CDK14: variants seen among roughly 807,000 people sequenced by gnomAD.
CDK14 encodes the protein cyclin dependent kinase 14.
Under a neutral mutation model 60.7 loss-of-function variants are expected in CDK14, and 34 were observed. The observed-to-expected ratio is 0.56, with a 90% CI of 0.43 to 0.75. CDK14 has a LOEUF of 0.75. Among genes scored for constraint, CDK14 ranks in the 30% least tolerant of loss-of-function variants. CDK14 has a pLI of 0.00. For missense variants in CDK14, 482 were observed against 564.1 expected (o/e 0.85, Z 1.47); for synonymous variants, 197 against 203.7 (o/e 0.97, Z 0.28).
chr7:90,803,683 G>T (rs1028397706), intron 5 of CDK14, among the ~76,000 whole-genome samples: 1 of 152,200 alleles, frequency 6.6e-6, no homozygotes, highest in Non-Finnish European at 1.5e-5. Context: ...GTGCAGTTTA[G>T]ATAACAGGTG....
intron 2 of CDK14, among the ~76,000 whole-genome samples, chr7:90,617,475 TA>T (rs972820889): frequency 1.3e-5 from 2 of 152,116 alleles, no homozygotes; most frequent in African/African-American, 2.4e-5. Context: ...GAATTAGGCC[TA>T]AAAAAGGCCT....
At chr7:90,800,111 G>A (rs1788581133) in intron 5 of CDK14, among the ~76,000 whole-genome samples, 1 of 152,080 alleles carries the variant, frequency 6.6e-6, no homozygotes, top group South Asian at 2.1e-4. Flanking sequence ...ACATGTCTGA[G>A]TATTCCCATG....
intron 2 of CDK14, among the ~76,000 whole-genome samples, chr7:90,607,835 G>T (rs1454214016): frequency 6.6e-6 from 1 of 151,864 alleles, no homozygotes; most frequent in African/African-American, 2.4e-5. Context: ...TTAATGTTCT[G>T]TGGTCTAAAT....
At chr7:90,828,615 C>T (rs1409400723) in intron 5 of CDK14, among the ~76,000 whole-genome samples, 2 of 152,094 alleles carry the variant, frequency 1.3e-5, no homozygotes, top group Non-Finnish European at 2.9e-5. Context: ...GTCTCTGTAG[C>T]TATACTGCTA....
At position 91,206,429 on chromosome 7, in the gene CDK14, C is replaced by T. The variant is rs375322449; in HGVS notation, c.*29-736C>T. 9.2e-5 allele frequency among the ~76,000 whole-genome samples: 14 copies of T among 152,306 alleles called. 1 individual carries two copies. The East Asian group carries it at 1.5e-3, about 17-fold the overall frequency. On this transcript the variant is annotated intron_variant, in intron 14 of 14. Coordinates refer to ENST00000380050, the MANE Select transcript of CDK14 (RefSeq NM_001287135.2). ...ATGAACCGATCCCTCAGCTATGTGC[C>T]TTGAACCTGGGAGTGTTTCCACCCA... is the stretch of plus-strand genomic sequence containing the variant.
chr7:90,818,867 T>C (rs1224824334), intron 5 of CDK14, among the ~76,000 whole-genome samples: 1 of 122,508 alleles, frequency 8.2e-6, no homozygotes, highest in East Asian at 2.4e-4. Flanking sequence ...TCTCTCTCTC[T>C]ATGTGTGTGT....
chr7:91,119,665 A>T (rs768250543), intron 14 of CDK14, among the ~76,000 whole-genome samples: 7 of 152,204 alleles, frequency 4.6e-5, no homozygotes, highest in Non-Finnish European at 8.8e-5. Context: ...ATCTGCCAGT[A>T]TCTTGAGCTA....
At chr7:90,708,406 T>G (rs1282632975) in intron 2 of CDK14, among the ~76,000 whole-genome samples, 1 of 152,162 alleles carries the variant, frequency 6.6e-6, no homozygotes, top group Non-Finnish European at 1.5e-5. Context: ...TCTGCAAAAA[T>G]GATGCTCATA....
intron 5 of CDK14, among the ~76,000 whole-genome samples, chr7:90,808,989 C>T (rs184083339): frequency 1.5e-4 from 23 of 152,224 alleles, no homozygotes; most frequent in East Asian, 5.8e-4. Context: ...TAGAGACCTA[C>T]GAAGAGACTT....
rs1461360495 is a variant in CDK14 at position 90,709,368 on chromosome 7, C to T, written c.124-17199C>T. The T allele has an allele frequency of 3.7e-6, 5 of 1,351,642 alleles. No individual in the cohort carries two copies. In the East Asian group the frequency reaches 1.4e-4, roughly 39 times the overall value. The allele number at this position is 1,351,642 out of a possible 1,614,324, so 83.7% of individuals were successfully genotyped here. ...ACACTTACTGGCTTTCTCCAGTGCT[C>T]TTAAAAAATTGAATTGAGCATGATG... On this transcript the variant is annotated intron_variant, in intron 2 of 14. Coordinates refer to ENST00000380050, the MANE Select transcript of CDK14 (RefSeq NM_001287135.2).
At chr7:90,621,620 C>A (rs1233354902) in intron 2 of CDK14, among the ~76,000 whole-genome samples, 1 of 85,174 alleles carries the variant, frequency 1.2e-5, no homozygotes, top group Non-Finnish European at 2.7e-5. Context: ...TTTTTTCCTT[C>A]CTTCCTTCCT....
chr7:91,183,698 T>C (rs1802076781), intron 14 of CDK14, among the ~76,000 whole-genome samples: 1 of 152,242 alleles, frequency 6.6e-6, no homozygotes, highest in Non-Finnish European at 1.5e-5. Context: ...ACCTTAGTTC[T>C]TTCCACCTCA....
chr7:90,778,404 C>T (rs1805142306), intron 4 of CDK14, among the ~76,000 whole-genome samples: 1 of 152,192 alleles, frequency 6.6e-6, no homozygotes, highest in Non-Finnish European at 1.5e-5. Context: ...CTTACCAGTA[C>T]CCTGGTGAGA....
chr7:91,027,271 C>G (rs908810399), intron 10 of CDK14, among the ~76,000 whole-genome samples: 14 of 152,282 alleles, frequency 9.2e-5, no homozygotes, highest in Middle Eastern at 3.4e-3. Flanking sequence ...AAATTAACAT[C>G]AGTTTACAAT....
At chr7:90,939,492 A>G (rs929795955) in intron 8 of CDK14, among the ~76,000 whole-genome samples, 2 of 152,256 alleles carry the variant, frequency 1.3e-5, no homozygotes, top group African/African-American at 4.8e-5. Context: ...GGTTGCGGAC[A>G]GTAAGTTCAA....
intron 5 of CDK14, among the ~76,000 whole-genome samples, chr7:90,829,219 C>T (rs1789827266): frequency 6.6e-6 from 1 of 152,042 alleles, no homozygotes; most frequent in Admixed American, 6.6e-5. Context: ...ACAGCCAAAC[C>T]ATATCATTCT....
At chr7:91,137,913 A>C (rs1010956296) in intron 14 of CDK14, among the ~76,000 whole-genome samples, 1 of 152,170 alleles carries the variant, frequency 6.6e-6, no homozygotes, top group African/African-American at 2.4e-5. Context: ...AATTGAGCTA[A>C]TTAAATCTTT....
intron 3 of CDK14, among the ~76,000 whole-genome samples, chr7:90,739,525 A>G (rs562616360): frequency 3.9e-5 from 6 of 152,174 alleles, no homozygotes; most frequent in Admixed American, 2.0e-4. Context: ...AAAACTATCT[A>G]TGTAGAGTGA....
rs146651259 is a variant in CDK14, at chr7:90,734,915, C to G, written c.369+8103C>G. Among the ~76,000 whole-genome samples, 517 of 152,228 alleles carry G rather than the reference C, an allele frequency of 3.4e-3. 1 individual carries two copies. Among genetic ancestry groups the G allele is most frequent in the Middle Eastern group, 0.01 (3 of 294 alleles). Reference sequence around the variant, plus strand: ...TGTTCTGGTTTTTGTAATTTTCAGCCTTTTTGCGCTGGTTTCTCCCCATCT... The same window carrying G: ...TGTTCTGGTTTTTGTAATTTTCAGCGTTTTTGCGCTGGTTTCTCCCCATCT... On this transcript the variant is annotated intron_variant, in intron 3 of 14. Transcript: ENST00000380050.
Sources: gnomAD v4.1 joint callset for allele counts (sites outside exome capture counted in the v4.1 genomes callset) on GRCh38, gnomAD v4.1.1 for gene constraint, MANE v1.5 for transcripts, NCBI Gene and HGNC (gene_info 2026-07-23, HGNC 2026-07-21) for gene names.